The following DST variants were observed in gnomAD, a reference collection of about 807,000 sequenced individuals.
DST encodes the protein bullous pemphigoid antigen.
Under a neutral mutation model 875.2 loss-of-function variants are expected in DST, and 253 were observed. The observed-to-expected ratio is 0.29, with a 90% confidence interval of 0.26 to 0.32. DST has a LOEUF of 0.32. Among genes scored for constraint, DST ranks in the 10% least tolerant of loss-of-function variants. The pLI, the probability that DST is intolerant of heterozygous loss-of-function variation, is 1.00. For synonymous variants in DST, 3,124 were observed against 3,197.1 expected, an observed-to-expected ratio of 0.98 and a Z score of 0.77; for missense variants, 8,287 against 9,111.6, an observed-to-expected ratio of 0.91 and a Z score of 3.68.
intron 2 of DST, among the ~76,000 whole-genome samples, chr6:56,922,896 T>G (rs73463719): frequency 0.019 from 2,924 of 152,274 alleles, 92 homozygotes; most frequent in African/African-American, 0.066. Context: ...TTACTAAATT[T>G]TATTGTTTCA....
chr6:56,566,325 G>A (rs2097676955), intron 55 of DST, among the ~76,000 whole-genome samples: 1 of 152,228 alleles, frequency 6.6e-6, no homozygotes, highest in African/African-American at 2.4e-5. Context: ...AGCCCTGGTG[G>A]TGCAGGCACC....
chr6:56,600,960 T>C (rs552994121), intron 44 of DST, among the ~76,000 whole-genome samples: 14 of 152,174 alleles, frequency 9.2e-5, no homozygotes, highest in African/African-American at 3.4e-4. Context: ...TAAGCGCTAT[T>C]GTTATTTCCA....
At position 56,480,859 on chromosome 6, in the gene DST, G is replaced by A. The variant is rs73465845; in HGVS notation, c.21531+1191C>T. 3.2e-3 allele frequency among the ~76,000 whole-genome samples: 493 copies of A among 152,140 alleles called. 4 individuals are homozygous for A. The highest frequency in any genetic ancestry group is 0.012 in the African/African-American group (479 of 41,502). ...AAGTGGTGTCCAGCAAATATTTATT[G>A]CTACTCTGAGACCCAAACCTAAGTA... On this transcript the variant is annotated intron_variant, in intron 90 of 103. Transcript: ENST00000680361.
intron 4 of DST, among the ~76,000 whole-genome samples, chr6:56,816,260 G>T (rs2099766359): frequency 6.6e-6 from 1 of 152,094 alleles, no homozygotes. Context: ...AAGTCACAGG[G>T]TTTAATCAGC....
chr6:56,500,359 T>A (rs1262607361), intron 80 of DST, among the ~76,000 whole-genome samples: 2 of 152,158 alleles, frequency 1.3e-5, no homozygotes, highest in Non-Finnish European at 2.9e-5. Context: ...GGATAGGGAA[T>A]GATCTATTAA....
At chr6:56,593,421 G>A (rs1269583389) in intron 48 of DST, among the ~76,000 whole-genome samples, 1 of 148,290 alleles carries the variant, frequency 6.7e-6, no homozygotes, top group African/African-American at 2.5e-5. Context: ...GGAGGCTGAG[G>A]CAGGAGAATT....
intron 3 of DST, 191 bp from the exon 4 acceptor site, chr6:56,851,795 T>C: frequency 1.3e-6 from 2 of 1,551,718 alleles, no homozygotes; most frequent in Non-Finnish European, 1.7e-6. Flanking sequence ...CACCATCTTT[T>C]CTTGGCCAAG....
Position 56,704,271 on chromosome 6 carries a change from A to G in DST, c.777+9T>C. ...TTCTTCAAAATAAAATAAGAAAGTT[A>G]AAACTTACCAAGGTATCTCCTGAAA... is the stretch of plus-strand genomic sequence containing the variant. On this transcript the variant is annotated intron_variant, in intron 6 of 103. Transcript: ENST00000680361. 1.4e-6 allele frequency: 2 copies of G among 1,419,906 alleles called. No individual in the cohort carries two copies. The highest frequency in any genetic ancestry group is 2.6e-5 in the South Asian group (2 of 77,986). The allele number at this position is 1,419,906 out of a possible 1,614,324, so 88.0% of individuals were successfully genotyped here.
chr6:56,702,093 T>C, intron 7 of DST, 128 bp from the exon 8 acceptor site: 1 of 540,594 alleles, frequency 1.8e-6, no homozygotes. Flanking sequence ...GCCATAAGAT[T>C]TTCTAAGAAG....
At chr6:56,947,845 G>T (rs1215784268) in intron 2 of DST, among the ~76,000 whole-genome samples, 1 of 151,128 alleles carries the variant, frequency 6.6e-6, no homozygotes, top group Non-Finnish European at 1.5e-5. Context: ...ATCTACTCAG[G>T]TACAGTGGAC....
At chr6:56,758,106 T>TA (rs2099608618) in intron 4 of DST, among the ~76,000 whole-genome samples, 6 of 152,174 alleles carry the variant, frequency 3.9e-5, no homozygotes, top group Admixed American at 3.9e-4. Flanking sequence ...GCAGAAACTT[T>TA]TCCCCATATC....
At chr6:56,859,343 G>A (rs980496234) in intron 3 of DST, among the ~76,000 whole-genome samples, 6 of 151,890 alleles carry the variant, frequency 4.0e-5, no homozygotes, top group African/African-American at 4.8e-5. Flanking sequence ...GCAAAGTATC[G>A]AAATACAAAA....
At chr6:56,527,396 T>A in intron 68 of DST, 97 bp downstream of exon 68, 2 of 1,435,858 alleles carry the variant, frequency 1.4e-6, no homozygotes, top group Non-Finnish European at 1.9e-6. Context: ...TCCTTCAGCA[T>A]ATGTAATGAC....
At chr6:56,941,623 C>T (rs1816648344) in intron 2 of DST, among the ~76,000 whole-genome samples, 1 of 152,166 alleles carries the variant, frequency 6.6e-6, no homozygotes, top group East Asian at 1.9e-4. Context: ...GTTGGGACTA[C>T]AGTGCATGCC....
At position 56,606,304 on chromosome 6, in the gene DST, C is replaced by G. The variant is rs2098497255; in HGVS notation, c.8324G>C (p.Gly2775Ala). 1.2e-6 allele frequency: 2 copies of G among 1,603,638 alleles called. No homozygotes were observed. The highest frequency in any genetic ancestry group is 2.2e-5 in the East Asian group (1 of 44,514). The stretch of plus-strand genomic sequence containing the variant: ...ATCAGTATCGGAGTGAAATTCCTGT[C>G]CAGTTACATACTCTTCCTTTCTTCC... ...WRGRKEEYVTGQEFHSDTDHL... is the reference protein window; with the variant it reads ...WRGRKEEYVTAQEFHSDTDHL... Residue 2775 changes from glycine to alanine, a missense_variant, in exon 40 of 104, where the codon GGA (glycine) becomes GCA (alanine). Coordinates refer to ENST00000680361, the MANE Select transcript of DST (RefSeq NM_001374736.1).
chr6:56,604,999 G>A lies in DST; in HGVS notation c.9629C>T (p.Thr3210Ile). 6.2e-7 allele frequency: 1 copy of A among 1,612,960 alleles called. No homozygotes were observed. The highest frequency in any genetic ancestry group is 2.2e-5 in the East Asian group (1 of 44,848). The change falls in exon 40 of 104, where the codon ACT becomes ATT. Residue 3210 changes from threonine to isoleucine, a missense_variant. This residue lies in a region of DST where 3,138 missense variants were observed against 3,116.6 expected (regional missense o/e 1.01). Transcript: ENST00000680361. ...NEDVPSHVLI[T>I]APPMKEHLQL... Reference sequence around the variant, plus strand: ...TAAATGTTCTTTCATGGGAGGGGCAGTTATTAAAACATGGCTTGGGACATC... The same window carrying A: ...TAAATGTTCTTTCATGGGAGGGGCAATTATTAAAACATGGCTTGGGACATC...
intron 4 of DST, among the ~76,000 whole-genome samples, chr6:56,848,209 T>C (rs561110817): frequency 1.4e-4 from 21 of 152,358 alleles, no homozygotes; most frequent in African/African-American, 4.6e-4. Context: ...CTAATCTTCA[T>C]TTTATTGCAG....
At position 56,624,614 on chromosome 6, in the gene DST, C is replaced by T. The variant is rs41271870; in HGVS notation, c.4845G>A (p.Arg1615=). The T allele has an allele frequency of 0.013, 20,720 of 1,611,390 alleles. 173 individuals carry two copies. The highest frequency in any genetic ancestry group is 0.015 in the Non-Finnish European group (18,038 of 1,177,944). Residue 1615 remains arginine (R), a synonymous_variant, in exon 36 of 104, where the codon AGG becomes AGA. Transcript: ENST00000680361. Reference sequence around the variant, plus strand: ...GAGTGACCAGGGCAGTATATCGAGTCCTTAGGTCCATGAACTGCAAGTAAG... The same window carrying T: ...GAGTGACCAGGGCAGTATATCGAGTTCTTAGGTCCATGAACTGCAAGTAAG... ...DLIIQEFMDL[R]TRYTALVTLM...
intron 45 of DST, among the ~76,000 whole-genome samples, chr6:56,599,857 C>CA (rs1039788816): frequency 6.6e-6 from 1 of 151,762 alleles, no homozygotes; most frequent in African/African-American, 2.4e-5. Flanking sequence ...TATCTCTTAC[C>CA]AAAAAAAGTC....
Sources: allele counts gnomAD v4.1 joint callset (sites outside exome capture counted in the v4.1 genomes callset), GRCh38; gene constraint gnomAD v4.1.1; regional missense constraint gnomAD v4.1.1; transcripts MANE v1.5; gene names NCBI Gene and HGNC (gene_info 2026-07-23, HGNC 2026-07-21).